The following PI4KB variants were observed in gnomAD, a reference collection of about 807,000 sequenced individuals.
PI4KB encodes the protein PtdIns 4-kinase beta.
PI4KB carries 23 observed loss-of-function variants against 81.4 expected under a neutral mutation model. The observed-to-expected ratio is 0.28, with a 90% CI of 0.20 to 0.40. The LOEUF is 0.40. PI4KB is among the 10% of genes least tolerant of loss of function. The probability of loss-of-function intolerance (pLI) is 1.00; values close to 1 mark genes in which losing one functional copy is unlikely to be tolerated. For missense variants in PI4KB, 651 were observed against 1,036.6 expected (o/e 0.63, Z 5.11); for synonymous variants, 381 against 406.8 (o/e 0.94, Z 0.76).
At chr1:151,303,299 C>T in intron 6 of PI4KB, 1 of 436,218 alleles carries the variant, frequency 2.3e-6, no homozygotes, top group Non-Finnish European at 4.3e-6. Context: ...ATGCCCGGCC[C>T]CTCTGGTGCT....
chr1:151,302,563 TTTTC>T lies in PI4KB; in HGVS notation c.1521-269_1521-266del, dbSNP rs1448224714. On this transcript the variant is annotated intron_variant, in intron 6 of 11. Coordinates refer to ENST00000368873, the MANE Select transcript of PI4KB (RefSeq NM_001369623.2). ...ATGGGTGTGTCTCTAGAATTTGCATTTTTCTTTTCTTTTCTTTTTTTTTTTTTTT... is the reference window on the plus strand; with the variant it reads ...ATGGGTGTGTCTCTAGAATTTGCATTTTTTCTTTTCTTTTTTTTTTTTTTT... Among the ~76,000 whole-genome samples the T allele has an allele frequency of 3.4e-5, 5 of 146,508 alleles. No individual in the cohort carries two copies. In the Admixed American group the frequency reaches 3.4e-4, roughly 10 times the overall value.
chr1:151,315,328 C>A (rs1647759402), intron 2 of PI4KB, among the ~76,000 whole-genome samples: 2 of 152,150 alleles, frequency 1.3e-5, no homozygotes, highest in Admixed American at 6.6e-5. Flanking sequence ...GTCAGCCTTG[C>A]CATGACCTAT....
At chr1:151,298,089 G>A (rs1318947524) in intron 9 of PI4KB, among the ~76,000 whole-genome samples, 1 of 152,090 alleles carries the variant, frequency 6.6e-6, no homozygotes, top group East Asian at 1.9e-4. Context: ...TCAAGGTCAT[G>A]TCATATTGAA....
rs189775075 is a variant in PI4KB at position 151,294,553 on chromosome 1, G to C, written c.2016-12C>G. 1.2e-6 allele frequency: 2 copies of C among 1,613,754 alleles called. No homozygotes were observed. Among genetic ancestry groups the C allele is most frequent in the East Asian group, 2.2e-5 (1 of 44,874 alleles). On this transcript the variant is annotated splice_polypyrimidine_tract_variant and intron_variant, in intron 9 of 11. Transcript: ENST00000368873. ...TATTCCCATTGTGTCTGAGGAGGGG[G>C]AATAGAGGAGAGGAAGAGGCAGTAG... is the stretch of plus-strand genomic sequence containing the variant.
At chr1:151,326,009 C>T (rs1649558681) in intron 1 of PI4KB, among the ~76,000 whole-genome samples, 1 of 152,158 alleles carries the variant, frequency 6.6e-6, no homozygotes, top group South Asian at 2.1e-4. Flanking sequence ...TACCCTTACC[C>T]CACTCCAGGC....
At chr1:151,296,881 T>C (rs1259032158) in intron 9 of PI4KB, among the ~76,000 whole-genome samples, 1 of 152,116 alleles carries the variant, frequency 6.6e-6, no homozygotes, top group African/African-American at 2.4e-5. Flanking sequence ...GTTCCAGCAA[T>C]TGTCCTGCCT....
chr1:151,316,854 G>A (rs908301768), intron 1 of PI4KB, among the ~76,000 whole-genome samples: 7 of 152,184 alleles, frequency 4.6e-5, no homozygotes, highest in South Asian at 2.1e-4. Flanking sequence ...ACGGAGTCTC[G>A]CTCTGTCACC....
At chr1:151,298,476 G>C in intron 9 of PI4KB, 1 of 327,044 alleles carries the variant, frequency 3.1e-6, no homozygotes, top group South Asian at 3.4e-5. Context: ...AGTGCAGTCT[G>C]TGCTTTAATC....
At chr1:151,316,861 C>T (rs1211291914) in intron 1 of PI4KB, among the ~76,000 whole-genome samples, 3 of 152,152 alleles carry the variant, frequency 2.0e-5, no homozygotes, top group Non-Finnish European at 1.5e-5. Context: ...CTCGCTCTGT[C>T]ACCCAGGCTG....
At chr1:151,320,065 GCT>G (rs1243949903) in intron 1 of PI4KB, among the ~76,000 whole-genome samples, 3 of 151,996 alleles carry the variant, frequency 2.0e-5, no homozygotes, top group Non-Finnish European at 4.4e-5. Context: ...ACGGAGTCTC[GCT>G]CTGTCGCCCA....
At chr1:151,320,441 G>A (rs1305354200) in intron 1 of PI4KB, among the ~76,000 whole-genome samples, 1 of 152,126 alleles carries the variant, frequency 6.6e-6, no homozygotes, top group African/African-American at 2.4e-5. Flanking sequence ...TGTTCTCAGA[G>A]ATCACCAAAA....
chr1:151,294,645 C>A, intron 9 of PI4KB, 104 bp from the exon 10 acceptor site: 1 of 1,064,412 alleles, frequency 9.4e-7, no homozygotes, highest in Non-Finnish European at 1.4e-6. Flanking sequence ...GGAGGGGGGT[C>A]CCCTGCCATG....
intron 1 of PI4KB, chr1:151,326,512 G>A (rs929386768): frequency 8.8e-5 from 32 of 363,934 alleles, no homozygotes; most frequent in Admixed American, 4.7e-4. Context: ...TCCTGAATGG[G>A]AAGGGCACTG....
chr1:151,304,249 A>G (rs1370966973), intron 5 of PI4KB, among the ~76,000 whole-genome samples: 1 of 152,002 alleles, frequency 6.6e-6, no homozygotes, highest in African/African-American at 2.4e-5. Context: ...TTGTATATCT[A>G]AATTTTTTTT....
chr1:151,326,746 T>A (rs1368798371), intron 1 of PI4KB, among the ~76,000 whole-genome samples: 1 of 151,482 alleles, frequency 6.6e-6, no homozygotes, highest in Admixed American at 6.6e-5. Context: ...GCTGGCTGGG[T>A]AGGTGGGTGA....
At position 151,301,622 on chromosome 1, in the gene PI4KB, C is replaced by A. The variant is rs587725184; in HGVS notation, c.1749+222G>T. On this transcript the variant is annotated intron_variant, in intron 8 of 11. Transcript: ENST00000368873. ...CCGTGTTAGCCAGGATGGTCTCGAT[C>A]TCCTGACCTCGTGATCCACCCGCCT... Among the ~76,000 whole-genome samples the A allele has an allele frequency of 4.3e-3, 660 of 152,348 alleles. 6 individuals are homozygous for A. Among genetic ancestry groups the A allele is most frequent in the Middle Eastern group, 0.014 (4 of 294 alleles).
intron 9 of PI4KB, among the ~76,000 whole-genome samples, chr1:151,296,195 C>T (rs1571134362): frequency 2.0e-5 from 3 of 152,034 alleles, no homozygotes; most frequent in South Asian, 2.1e-4. Flanking sequence ...TACAGTGAGC[C>T]GAGATCACGC....
At chr1:151,326,373 C>A in intron 1 of PI4KB, 1 of 579,696 alleles carries the variant, frequency 1.7e-6, no homozygotes, top group Non-Finnish European at 3.0e-6. Flanking sequence ...TTTAGTTGAT[C>A]CTGAAATAAG....
intron 4 of PI4KB, 60 bp downstream of exon 4, chr1:151,307,514 T>A (rs778774803): frequency 1.0e-4 from 117 of 1,175,092 alleles, no homozygotes; most frequent in Non-Finnish European, 1.4e-4. Flanking sequence ...ACGCAAACTC[T>A]GAACAACCAT....
Sources: allele counts gnomAD v4.1 joint callset (sites outside exome capture counted in the v4.1 genomes callset), GRCh38; gene constraint gnomAD v4.1.1; transcripts MANE v1.5; gene names NCBI Gene and HGNC (gene_info 2026-07-23, HGNC 2026-07-21).